FAM217A: variants seen among roughly 807,000 people sequenced by gnomAD.
The protein encoded by FAM217A is family with sequence similarity 217 member A.
Under a neutral mutation model 18.5 loss-of-function variants are expected in FAM217A, and 13 were observed. The ratio of observed to expected loss-of-function variants is 0.70; its 90% CI spans 0.46 to 1.12. The LOEUF (loss-of-function observed/expected upper bound fraction) is 1.12. Ranked by LOEUF, FAM217A falls within the 50% of genes most tolerant of loss-of-function variation. The probability of loss-of-function intolerance (pLI) is 0.00; values close to 1 mark genes in which losing one functional copy is unlikely to be tolerated. For synonymous variants in FAM217A, 161 were observed against 202.8 expected (o/e 0.79, Z 1.75); for missense variants, 560 against 575.4 (o/e 0.97, Z 0.27).
upstream of FAM217A, among the ~76,000 whole-genome samples, chr6:4,082,896 A>G (rs572271680): frequency 3.4e-4 from 52 of 152,284 alleles, 1 homozygote; most frequent in South Asian, 0.011. Context: ...TCAGCCTCCC[A>G]AGTTGCTGGG....
chr6:4,085,312 A>AG (rs1491205180), intron 1 of FAM217A, among the ~76,000 whole-genome samples: 7 of 66,512 alleles, frequency 1.1e-4, no homozygotes, highest in African/African-American at 5.3e-4. Flanking sequence ...GTAAAAAAAA[A>AG]TATATATATA....
chr6:4,075,098 G>T (rs901817523), intron 2 of FAM217A, among the ~76,000 whole-genome samples: 1 of 152,122 alleles, frequency 6.6e-6, no homozygotes, highest in Admixed American at 6.5e-5. Flanking sequence ...TTGGGAGGCC[G>T]GGGCAGGTCA....
chr6:4,075,571 TG>T (rs1458533807), intron 2 of FAM217A, among the ~76,000 whole-genome samples: 1 of 152,140 alleles, frequency 6.6e-6, no homozygotes, highest in Non-Finnish European at 1.5e-5. Flanking sequence ...CAGAGTGCTA[TG>T]GGGGAAAATG....
chr6:4,086,871 C>T (rs1008908423), intron 1 of FAM217A: 7 of 397,290 alleles, frequency 1.8e-5, no homozygotes, highest in East Asian at 1.4e-4. Context: ...TTATTTAATA[C>T]TTCTATTGTT....
chr6:4,069,935 T>G lies in FAM217A; in HGVS notation c.303-15A>C. 3 of 1,487,946 alleles carry G rather than the reference T, an allele frequency of 2.0e-6. No individual in the cohort carries two copies. Among genetic ancestry groups the G allele is most frequent in the Non-Finnish European group, 2.7e-6 (3 of 1,095,518 alleles). The allele number at this position is 1,487,946 out of a possible 1,614,324, so 92.2% of individuals were successfully genotyped here. Reference sequence around the variant, plus strand: ...TTTTGAATTCCCTTTAAAAAATAATTTAATTAATGAATGGTTTATTGACTA... The same window carrying G: ...TTTTGAATTCCCTTTAAAAAATAATGTAATTAATGAATGGTTTATTGACTA... On this transcript the variant is annotated splice_polypyrimidine_tract_variant and intron_variant, in intron 6 of 6. Transcript: ENST00000274673.
At chr6:4,080,703 G>A (rs950138818), upstream of FAM217A, among the ~76,000 whole-genome samples, 1 of 152,066 alleles carries the variant, frequency 6.6e-6, no homozygotes, top group African/African-American at 2.4e-5. Flanking sequence ...CACCTTCCCA[G>A]CGCCCACTAC....
At chr6:4,084,711 G>A (rs1770530333) in exon 2 of FAM217A, 1 of 702,834 alleles carries the variant, frequency 1.4e-6, no homozygotes, top group Admixed American at 2.0e-5. Context: ...TTCTCTCTGT[G>A]AACATTACTG....
Position 4,078,852 on chromosome 6 carries a change from C to G in FAM217A, c.-35G>C. ...CCCGGGGCCGGGGCTCTCAACCCAC[C>G]GCGCGAAGGCCCACGTGTCCTCCCC... is the stretch of plus-strand genomic sequence containing the variant. On this transcript the variant is annotated splice_region_variant and 5_prime_UTR_variant, in exon 1 of 7. Transcript: ENST00000274673. 2.1e-6 allele frequency: 1 copy of G among 466,788 alleles called. No individual in the cohort carries two copies. Among genetic ancestry groups the G allele is most frequent in the Non-Finnish European group, 3.8e-6 (1 of 261,384 alleles). 28.9% of individuals were successfully genotyped at this position (466,788 alleles called of 1,614,324 possible).
rs1357464804 is a variant in FAM217A at position 4,078,965 on chromosome 6, CTTCCTGCA to C, written c.-156_-149del. ...TGGAGGGCGCCCCCTCTGCCGCGGC[CTTCCTGCA>C]GCGGGGGGACAAAGAGGGCGGCGGG... On this transcript the variant is annotated 5_prime_UTR_variant, in exon 1 of 7. Coordinates refer to ENST00000274673, the MANE Select transcript of FAM217A (RefSeq NM_173563.3). 10 of 523,274 alleles carry C rather than the reference CTTCCTGCA, an allele frequency of 1.9e-5. No individual in the cohort carries two copies. The South Asian group carries it at 2.2e-4, about 12-fold the overall frequency. 32.4% of individuals were successfully genotyped at this position (523,274 alleles called of 1,614,324 possible). A position where few individuals can be genotyped will look rare whatever the true frequency, so the allele number is the denominator to read the frequency against.
chr6:4,080,586 G>A (rs558677139), upstream of FAM217A, among the ~76,000 whole-genome samples: 5 of 152,194 alleles, frequency 3.3e-5, no homozygotes, highest in African/African-American at 9.6e-5. Flanking sequence ...CTCTTCCTTC[G>A]GCTGTTTTCC....
chr6:4,079,619 G>GGGC, upstream of FAM217A: 1 of 1,281,906 alleles, frequency 7.8e-7, no homozygotes, highest in Non-Finnish European at 1.0e-6. Context: ...CCGGGGCCCG[G>GGGC]CCCACCCGCC....
chr6:4,075,935 CATG>C (rs1243586307), intron 2 of FAM217A, among the ~76,000 whole-genome samples: 1 of 152,102 alleles, frequency 6.6e-6, no homozygotes, highest in African/African-American at 2.4e-5. Flanking sequence ...TGCTCTCTGG[CATG>C]ATATGTACAA....
rs1769255832 is a variant in FAM217A at position 4,069,561 on chromosome 6, T to G, written c.662A>C (p.Lys221Thr). 2 of 1,613,912 alleles carry G rather than the reference T, an allele frequency of 1.2e-6. No homozygotes were observed. The highest frequency in any genetic ancestry group is 1.7e-6 in the Non-Finnish European group (2 of 1,179,980). The part of the protein sequence containing the change: ...TNDTLLSYFK[K>T]VDLNLKPETI... The stretch of plus-strand genomic sequence containing the variant: ...TTCTGGCTTCAAGTTCAGGTCCACC[T>G]TTTTAAAATAGCTGAGTAAAGTATC... The change falls in exon 7 of 7, where the codon AAG becomes ACG. Residue 221 changes from lysine (K) to threonine (T), a missense_variant. Lys to Thr is a moderately conservative substitution (Grantham distance 78, BLOSUM62 -1). Transcript: ENST00000274673.
At chr6:4,071,452 A>G (rs757794579) in intron 6 of FAM217A, among the ~76,000 whole-genome samples, 1 of 152,150 alleles carries the variant, frequency 6.6e-6, no homozygotes, top group Non-Finnish European at 1.5e-5. Context: ...TGAGATAGGC[A>G]CTTTTATTTT....
intron 2 of FAM217A, 51 bp from the exon 3 acceptor site, chr6:4,074,712 A>G: frequency 7.3e-7 from 1 of 1,365,704 alleles, no homozygotes; most frequent in Non-Finnish European, 1.0e-6. Flanking sequence ...AAACATAAAA[A>G]GCTCAATAAT....
upstream of FAM217A, among the ~76,000 whole-genome samples, chr6:4,081,394 C>G (rs1422370062): frequency 6.6e-6 from 1 of 151,350 alleles, no homozygotes; most frequent in Non-Finnish European, 1.5e-5. Context: ...ACCTCTGCCT[C>G]CCAGGTTCAA....
chr6:4,079,118 G>T lies in FAM217A; in HGVS notation c.-301C>A. 1 of 347,190 alleles carries T rather than the reference G, an allele frequency of 2.9e-6. No individual in the cohort carries two copies. The highest frequency in any genetic ancestry group is 5.2e-6 in the Non-Finnish European group (1 of 193,866). 21.5% of individuals were successfully genotyped at this position (347,190 alleles called of 1,614,324 possible). On this transcript the variant is annotated 5_prime_UTR_variant, in exon 1 of 7. Coordinates refer to ENST00000274673, the MANE Select transcript of FAM217A (RefSeq NM_173563.3). ...GAGACCTTCCGGGGCCGGGGCTGCG[G>T]CTCCGCGGGCTTCCCCACCGGCCGG...
rs1288525132 is a variant in FAM217A, at chr6:4,073,294, CTTCA to C, written c.279_282del (p.Asn93LysfsTer5). 2 of 1,608,040 alleles carry C rather than the reference CTTCA, an allele frequency of 1.2e-6. No individual in the cohort carries two copies. Among genetic ancestry groups the C allele is most frequent in the South Asian group, 1.1e-5 (1 of 89,714 alleles). On this transcript the variant is annotated frameshift_variant, in exon 6 of 7. Transcript: ENST00000274673. LOFTEE classifies it low-confidence loss of function (END_TRUNC). ...GCTTACCTCTTCTCTATGGTACTTC[CTTCA>C]TTAAGAGGACAATTCCATAATTGAA...
At position 4,069,835 on chromosome 6, in the gene FAM217A, T is replaced by C; in HGVS notation, c.388A>G (p.Ile130Val). ...RVFTLNHPLT[I>V]ASVDKQVGPY... ...CCAACTTGCTTATCAACTGAAGCAA[T>C]TGTTAATGGGTGGTTCAGAGTGAAG... The change falls in exon 7 of 7, where the codon ATT (isoleucine) becomes GTT (valine). Residue 130 changes from isoleucine (I) to valine (V), a missense_variant. Transcript: ENST00000274673. 1 of 1,614,022 alleles carries C rather than the reference T, an allele frequency of 6.2e-7. No individual in the cohort carries two copies. The highest frequency in any genetic ancestry group is 1.1e-5 in the South Asian group (1 of 91,080).
Sources: gnomAD v4.1 joint callset for allele counts (sites outside exome capture counted in the v4.1 genomes callset) on GRCh38, gnomAD v4.1.1 for gene constraint, MANE v1.5 for transcripts, NCBI Gene and HGNC (gene_info 2026-07-23, HGNC 2026-07-21) for gene names.